Variants in CSMD1 observed in about 807,000 individuals in gnomAD.
CSMD1 encodes the protein CUB and Sushi multiple domains 1, also known as CUB and sushi domain-containing protein 1.
In CSMD1, 213 loss-of-function variants were observed where a neutral mutation model predicts 417.5. The ratio of observed to expected loss-of-function variants is 0.51; its 90% CI spans 0.46 to 0.57. The LOEUF (loss-of-function observed/expected upper bound fraction) is 0.57, where lower values mean the gene tolerates loss of function less well. CSMD1 is among the 20% of genes least tolerant of loss of function. The probability of loss-of-function intolerance (pLI) is 0.00; values close to 1 mark genes in which losing one functional copy is unlikely to be tolerated. For synonymous variants in CSMD1, 2,862 were observed against 1,736.8 expected, an observed-to-expected ratio of 1.65 and a Z score of -16.11; for missense variants, 6,923 against 4,529.7, an observed-to-expected ratio of 1.53 and a Z score of -15.17.
At chr8:4,461,765 G>C (rs1585116655) in intron 2 of CSMD1, among the ~76,000 whole-genome samples, 3 of 141,096 alleles carry the variant, frequency 2.1e-5, no homozygotes, top group South Asian at 4.6e-4. Flanking sequence ...TTTGGAGATG[G>C]AGTCTCGCTC....
chr8:3,851,999 G>A (rs1181754402), intron 5 of CSMD1, among the ~76,000 whole-genome samples: 1 of 152,074 alleles, frequency 6.6e-6, no homozygotes, highest in Admixed American at 6.5e-5. Context: ...AGCATGGAGG[G>A]GCTGCAATCA....
intron 5 of CSMD1, among the ~76,000 whole-genome samples, chr8:3,994,459 A>AAC (rs1409052865): frequency 6.7e-6 from 1 of 149,918 alleles, no homozygotes; most frequent in Non-Finnish European, 1.5e-5. Context: ...AAAAAAAAAA[A>AAC]AAAAAAAGAA....
At chr8:3,357,263 G>A (rs1448023894) in intron 21 of CSMD1, among the ~76,000 whole-genome samples, 2 of 152,210 alleles carry the variant, frequency 1.3e-5, no homozygotes, top group Non-Finnish European at 2.9e-5. Context: ...CCAGTGCGGT[G>A]GTTAAAGGCT....
chr8:4,089,087 T>C (rs979694839), intron 3 of CSMD1, among the ~76,000 whole-genome samples: 10 of 152,172 alleles, frequency 6.6e-5, no homozygotes, highest in East Asian at 3.9e-4. Context: ...AATAGTACCA[T>C]GTAGGATTCA....
intron 1 of CSMD1, among the ~76,000 whole-genome samples, chr8:4,705,367 T>C (rs974489853): frequency 1.3e-5 from 2 of 152,188 alleles, no homozygotes; most frequent in African/African-American, 4.8e-5. Context: ...AACCATGATG[T>C]AAGACAACCC....
intron 1 of CSMD1, among the ~76,000 whole-genome samples, chr8:4,845,594 G>T (rs1801095629): frequency 6.6e-6 from 1 of 152,194 alleles, no homozygotes. Context: ...TATTTATTGG[G>T]TTCCTACCAT....
intron 3 of CSMD1, among the ~76,000 whole-genome samples, chr8:4,226,783 A>T (rs1801386063): frequency 6.6e-6 from 1 of 152,346 alleles, no homozygotes; most frequent in East Asian, 1.9e-4. Context: ...AAAAAAACAA[A>T]AACTCTGCCC....
At chr8:3,735,883 A>G (rs769675723) in intron 6 of CSMD1, among the ~76,000 whole-genome samples, 5 of 152,200 alleles carry the variant, frequency 3.3e-5, no homozygotes, top group Non-Finnish European at 7.3e-5. Flanking sequence ...AATATATGAC[A>G]TAGAGTTATA....
intron 1 of CSMD1, among the ~76,000 whole-genome samples, chr8:4,670,209 G>A (rs1158699431): frequency 1.3e-5 from 2 of 152,164 alleles, no homozygotes; most frequent in Non-Finnish European, 2.9e-5. Context: ...TTTCTGCTAT[G>A]CCTTCTCTCA....
intron 26 of CSMD1, chr8:3,278,760 T>C (rs1024134793): frequency 6.6e-6 from 1 of 152,120 alleles, no homozygotes; most frequent in Non-Finnish European, 1.5e-5. Context: ...TTGGGTGTGA[T>C]GGACAGGCTG....
intron 3 of CSMD1, among the ~76,000 whole-genome samples, chr8:4,244,179 G>C (rs1802561172): frequency 6.6e-6 from 1 of 152,158 alleles, no homozygotes; most frequent in Admixed American, 6.5e-5. Context: ...GTTTCTGGTA[G>C]AACCGTTTAG....
chr8:4,761,037 G>A (rs960260854), intron 1 of CSMD1, among the ~76,000 whole-genome samples: 1 of 152,074 alleles, frequency 6.6e-6, no homozygotes, highest in Non-Finnish European at 1.5e-5. Flanking sequence ...TACACAGTAT[G>A]TTGTATCTCG....
chr8:4,878,108 G>C (rs1010372330), intron 1 of CSMD1, among the ~76,000 whole-genome samples: 4 of 152,062 alleles, frequency 2.6e-5, no homozygotes, highest in African/African-American at 9.7e-5. Flanking sequence ...GTAACCCTCA[G>C]CGTGTTCTGT....
At position 4,063,912 on chromosome 8, in the gene CSMD1, G is replaced by C. The variant is rs145748651; in HGVS notation, c.416-31813C>G. 5.2e-3 allele frequency among the ~76,000 whole-genome samples: 797 copies of C among 152,234 alleles called. 4 individuals carry two copies. The Middle Eastern group carries it at 0.058, about 11-fold the overall frequency. On this transcript the variant is annotated intron_variant, in intron 3 of 69. Coordinates refer to ENST00000635120, the MANE Select transcript of CSMD1 (RefSeq NM_033225.6). ...ATATCAAATCGTGCACAATGATGTAGGTGATAAATCATCTTTCATCCAGAT... is the reference window on the plus strand; with the variant it reads ...ATATCAAATCGTGCACAATGATGTACGTGATAAATCATCTTTCATCCAGAT...
At chr8:4,805,804 G>A (rs1269019271) in intron 1 of CSMD1, among the ~76,000 whole-genome samples, 2 of 152,280 alleles carry the variant, frequency 1.3e-5, no homozygotes, top group South Asian at 2.1e-4. Flanking sequence ...GAGATGAAAT[G>A]TGGTCCTGGA....
intron 30 of CSMD1, among the ~76,000 whole-genome samples, chr8:3,206,880 T>C (rs1457273842): frequency 6.6e-6 from 1 of 152,116 alleles, no homozygotes; most frequent in East Asian, 1.9e-4. Flanking sequence ...AGTCTTTAGA[T>C]TGCCAGTACT....
chr8:3,991,758 T>A (rs914918647), intron 5 of CSMD1, among the ~76,000 whole-genome samples: 1 of 152,194 alleles, frequency 6.6e-6, no homozygotes. Flanking sequence ...TGGTCTCAAC[T>A]TTTTTAAAAG....
At chr8:4,344,395 C>A (rs1217504507) in intron 3 of CSMD1, among the ~76,000 whole-genome samples, 1 of 151,968 alleles carries the variant, frequency 6.6e-6, no homozygotes, top group African/African-American at 2.4e-5. Context: ...TCAGAGAGTA[C>A]CTACTATCTT....
At chr8:3,083,648 A>ATAT (rs1563320662) in intron 49 of CSMD1, among the ~76,000 whole-genome samples, 2 of 13,578 alleles carry the variant, frequency 1.5e-4, no homozygotes, top group African/African-American at 3.1e-4. Flanking sequence ...ATATATATAT[A>ATAT]TTTTTTTTTT....
Sources: gnomAD v4.1 joint callset for allele counts (sites outside exome capture counted in the v4.1 genomes callset) on GRCh38, gnomAD v4.1.1 for gene constraint, MANE v1.5 for transcripts, NCBI Gene and HGNC (gene_info 2026-07-23, HGNC 2026-07-21) for gene names.